Variants in STATH observed in about 807,000 individuals in gnomAD.
STATH encodes the protein statherin.
Under a neutral mutation model 13.3 loss-of-function variants are expected in STATH, and 11 were observed. The observed-to-expected ratio is 0.83, with a 90% CI of 0.52 to 1.37. The LOEUF (loss-of-function observed/expected upper bound fraction) is 1.37. Among genes scored for constraint, STATH ranks in the 40% most tolerant of loss-of-function variants. STATH has a pLI of 0.00. For missense variants in STATH, 78 were observed against 73.3 expected (o/e 1.06, Z -0.24); for synonymous variants, 25 against 23.6 (o/e 1.06, Z -0.17).
chr4:69,997,905 T>C (rs866131808), intron 1 of STATH, among the ~76,000 whole-genome samples: 8 of 152,260 alleles, frequency 5.3e-5, no homozygotes, highest in Middle Eastern at 3.4e-3. Flanking sequence ...AAACATCTCT[T>C]TACACTGTAC....
At chr4:69,999,564 C>A in intron 2 of STATH, 103 bp from the exon 3 acceptor site, 2 of 1,130,908 alleles carry the variant, frequency 1.8e-6, no homozygotes, top group Non-Finnish European at 1.3e-6. Flanking sequence ...GATTTGCCTA[C>A]ATCCTGTTTA....
rs1401788094 is a variant in STATH at position 69,999,647 on chromosome 4, C to A, written c.52-20C>A. The A allele has an allele frequency of 6.2e-7, 1 of 1,607,284 alleles. No homozygotes were observed. The highest frequency in any genetic ancestry group is 2.2e-5 in the East Asian group (1 of 44,672). ...ATAACATTAAGATACTAACTATTGT[C>A]TAATTTTCTGTTTTCTAAGGGAGCT... On this transcript the variant is annotated intron_variant, in intron 2 of 5. Transcript: ENST00000246895.
intron 1 of STATH, among the ~76,000 whole-genome samples, chr4:69,998,115 C>G (rs79986936): frequency 6.6e-6 from 1 of 152,220 alleles, no homozygotes; most frequent in East Asian, 1.9e-4. Context: ...CACCTCTTTA[C>G]TCATCCTGCA....
chr4:70,001,033 G>A, intron 5 of STATH, 51 bp downstream of exon 5: 1 of 1,304,186 alleles, frequency 7.7e-7, no homozygotes, highest in Middle Eastern at 1.9e-4. Context: ...AGTGCTGACA[G>A]TTAAAAGAAG....
intron 4 of STATH, 59 bp from the exon 5 acceptor site, chr4:70,000,804 C>T (rs377558324): frequency 2.4e-4 from 305 of 1,273,530 alleles, no homozygotes; most frequent in South Asian, 1.4e-3. Context: ...CTAATAAAAA[C>T]GCTTGCACTG....
chr4:69,997,413 T>C (rs1226196105), intron 1 of STATH, among the ~76,000 whole-genome samples: 1 of 152,158 alleles, frequency 6.6e-6, no homozygotes, highest in Non-Finnish European at 1.5e-5. Context: ...CACAAGTTAT[T>C]GGTAAAAGAG....
Position 70,002,435 on chromosome 4 carries a change from A to C in STATH, c.*280A>C, listed in dbSNP as rs1316065493. On this transcript the variant is annotated 3_prime_UTR_variant, in exon 6 of 6. Transcript: ENST00000246895. Reference sequence around the variant, plus strand: ...AGAAATCACTTCTCTAAAAGCAATAAATTTCAAGCACATTTTTACATGTAT... The same window carrying C: ...AGAAATCACTTCTCTAAAAGCAATACATTTCAAGCACATTTTTACATGTAT... The C allele has an allele frequency of 6.6e-6, 1 of 151,726 alleles. No individual in the cohort carries two copies. Among genetic ancestry groups the C allele is most frequent in the African/African-American group, 2.4e-5 (1 of 41,384 alleles). 9.4% of individuals were successfully genotyped at this position (151,726 alleles called of 1,614,324 possible).
intron 4 of STATH, chr4:70,000,426 G>A (rs1447576045): frequency 2.4e-5 from 4 of 164,218 alleles, no homozygotes; most frequent in African/African-American, 9.6e-5. Context: ...GAAGGAAGAA[G>A]TATTAAGGAA....
chr4:69,999,839 C>T, intron 4 of STATH, 30 bp downstream of exon 4: 2 of 1,608,986 alleles, frequency 1.2e-6, no homozygotes, highest in Non-Finnish European at 1.7e-6. Flanking sequence ...GCTGTGTAGT[C>T]CAAATAAATT....
rs75333741 is a variant in STATH at position 69,998,027 on chromosome 4, T to G, written c.-15-396T>G. ...ATCTTCTGATAAACTGCTCCAGTTTTATCTTCCCTACATTTTGAACTGTTT... is the reference window on the plus strand; with the variant it reads ...ATCTTCTGATAAACTGCTCCAGTTTGATCTTCCCTACATTTTGAACTGTTT... On this transcript the variant is annotated intron_variant, in intron 1 of 5. Transcript: ENST00000246895. 2.4e-4 allele frequency among the ~76,000 whole-genome samples: 36 copies of G among 152,262 alleles called. No individual in the cohort carries two copies. In the East Asian group the frequency reaches 6.6e-3, roughly 28 times the overall value.
At chr4:69,999,224 C>T (rs1429396628) in intron 2 of STATH, 2 of 156,844 alleles carry the variant, frequency 1.3e-5, no homozygotes, top group African/African-American at 2.4e-5. Flanking sequence ...CACAGTATAC[C>T]ACATTATTTG....
chr4:70,001,071 C>A, intron 5 of STATH, 89 bp downstream of exon 5: 1 of 823,352 alleles, frequency 1.2e-6, no homozygotes, highest in Non-Finnish European at 2.0e-6. Context: ...ATTAAACCAA[C>A]AGCAGTTCCA....
chr4:70,000,172 CT>C (rs1444822512), intron 4 of STATH: 1 of 203,068 alleles, frequency 4.9e-6, no homozygotes, highest in Non-Finnish European at 1.0e-5. Context: ...AAGTTTGCAC[CT>C]TCTGATTTTT....
chr4:69,998,035 C>A (rs1044543462), intron 1 of STATH, among the ~76,000 whole-genome samples: 7 of 152,098 alleles, frequency 4.6e-5, no homozygotes, highest in Non-Finnish European at 1.0e-4. Flanking sequence ...TTTATCTTCC[C>A]TACATTTTGA....
At chr4:69,999,876 G>A in intron 4 of STATH, 67 bp downstream of exon 4, 1 of 1,562,748 alleles carries the variant, frequency 6.4e-7, no homozygotes, top group Non-Finnish European at 8.8e-7. Context: ...TATTCTTCTA[G>A]AAGAACCAAT....
In STATH at chr4:69,999,816, G is replaced by A. The variant is rs147122083; in HGVS notation, c.102+7G>A. 703 of 1,611,786 alleles carry A rather than the reference G, an allele frequency of 4.4e-4. 6 individuals are homozygous for A. In the African/African-American group the frequency reaches 8.2e-3, roughly 19 times the overall value. ...TAGAATTGGAAGATTCGGTGTAAGT[G>A]TTCTCTGATAATGCTGTGTAGTCCA... On this transcript the variant is annotated splice_region_variant and intron_variant, in intron 4 of 5. Coordinates refer to ENST00000246895, the MANE Select transcript of STATH (RefSeq NM_003154.3).
intron 1 of STATH, among the ~76,000 whole-genome samples, chr4:69,996,266 A>G (rs1724501081): frequency 6.6e-6 from 1 of 152,168 alleles, no homozygotes; most frequent in Admixed American, 6.6e-5. Context: ...GACATATTCC[A>G]ACTTCTCTCC....
At chr4:70,001,658 GA>G (rs1397167964) in intron 5 of STATH, among the ~76,000 whole-genome samples, 1 of 151,768 alleles carries the variant, frequency 6.6e-6, no homozygotes, top group Non-Finnish European at 1.5e-5. Flanking sequence ...TAAATTCTAT[GA>G]AAAAATAATA....
At chr4:69,998,244 C>T (rs2201079) in intron 1 of STATH, 179 bp from the exon 2 acceptor site, 1 of 561,814 alleles carries the variant, frequency 1.8e-6, no homozygotes, top group South Asian at 2.3e-5. Flanking sequence ...AATACACTCA[C>T]TTTTACTTAT....
Sources: gnomAD v4.1 joint callset for allele counts (sites outside exome capture counted in the v4.1 genomes callset) on GRCh38, gnomAD v4.1.1 for gene constraint, MANE v1.5 for transcripts, NCBI Gene and HGNC (gene_info 2026-07-23, HGNC 2026-07-21) for gene names.